HS6ST3: variants seen among roughly 807,000 people sequenced by gnomAD.
HS6ST3 encodes the protein heparan-sulfate 6-O-sulfotransferase 3.
HS6ST3 carries 12 observed loss-of-function variants against 36.7 expected under a neutral mutation model. The observed-to-expected ratio is 0.33, with a 90% confidence interval of 0.21 to 0.53. The LOEUF is 0.53. HS6ST3 is among the 20% of genes least tolerant of loss of function. HS6ST3 has a pLI of 0.95. For synonymous variants in HS6ST3, 240 were observed against 257.5 expected, an observed-to-expected ratio of 0.93 and a Z score of 0.65; for missense variants, 584 against 640.9, an observed-to-expected ratio of 0.91 and a Z score of 0.96.
At chr13:96,404,749 A>G (rs2055468704) in intron 1 of HS6ST3, among the ~76,000 whole-genome samples, 1 of 152,216 alleles carries the variant, frequency 6.6e-6, no homozygotes, top group Non-Finnish European at 1.5e-5. Flanking sequence ...AAATTAGATC[A>G]GATAATAGAA....
Position 96,194,807 on chromosome 13 carries a change from A to T in HS6ST3, c.707+103238A>T, listed in dbSNP as rs149222503. 2.6e-4 allele frequency among the ~76,000 whole-genome samples: 39 copies of T among 148,352 alleles called. 1 individual carries two copies. The East Asian group carries it at 7.8e-3, about 30-fold the overall frequency. On this transcript the variant is annotated intron_variant, in intron 1 of 1. Coordinates refer to ENST00000376705, the MANE Select transcript of HS6ST3 (RefSeq NM_153456.4). ...CCAAGCCTCTGGCAACCACTGTTCT[A>T]CTCTGTTCCTATTAGTTTGACTTCT...
chr13:96,373,769 A>G (rs1031711203), intron 1 of HS6ST3, among the ~76,000 whole-genome samples: 2 of 152,164 alleles, frequency 1.3e-5, no homozygotes, highest in African/African-American at 4.8e-5. Flanking sequence ...GATTGAAATA[A>G]GTGGCTGGGT....
At chr13:96,474,925 A>G (rs1391003113) in intron 1 of HS6ST3, among the ~76,000 whole-genome samples, 1 of 152,218 alleles carries the variant, frequency 6.6e-6, no homozygotes, top group East Asian at 1.9e-4. Flanking sequence ...CAGTGCTGAG[A>G]GGAGAACTCA....
intron 1 of HS6ST3, among the ~76,000 whole-genome samples, chr13:96,287,795 T>A (rs2054810682): frequency 6.6e-6 from 1 of 152,182 alleles, no homozygotes; most frequent in Non-Finnish European, 1.5e-5. Flanking sequence ...TTTAATTCTT[T>A]ACTTTTTTAA....
At position 96,790,920 on chromosome 13, in the gene HS6ST3, C is replaced by T. The variant is rs527709386; in HGVS notation, c.708-41570C>T. 6.6e-5 allele frequency among the ~76,000 whole-genome samples: 10 copies of T among 152,118 alleles called. No individual in the cohort carries two copies. In the South Asian group the frequency reaches 2.1e-3, roughly 32 times the overall value. ...TAAACATTTCCCTTGGATGTACCAC[C>T]TCCTATATGTGTAATAAAATTCTTT... On this transcript the variant is annotated intron_variant, in intron 1 of 1. Transcript: ENST00000376705.
At chr13:96,702,498 C>T (rs896467242) in intron 1 of HS6ST3, among the ~76,000 whole-genome samples, 1 of 152,152 alleles carries the variant, frequency 6.6e-6, no homozygotes, top group Non-Finnish European at 1.5e-5. Context: ...AACACATATT[C>T]CTGCCATGCT....
chr13:96,647,748 A>T (rs1405996378), intron 1 of HS6ST3, among the ~76,000 whole-genome samples: 1 of 151,990 alleles, frequency 6.6e-6, no homozygotes. Context: ...GAAATGCTAA[A>T]TGTTTTTTTT....
intron 1 of HS6ST3, among the ~76,000 whole-genome samples, chr13:96,688,866 A>G (rs1444205083): frequency 6.6e-6 from 1 of 152,008 alleles, no homozygotes; most frequent in Non-Finnish European, 1.5e-5. Context: ...CTCTCTGAGC[A>G]TCCTCCTCAC....
At chr13:96,687,090 CTTTTT>C (rs68182332) in intron 1 of HS6ST3, among the ~76,000 whole-genome samples, 2 of 148,872 alleles carry the variant, frequency 1.3e-5, no homozygotes. Flanking sequence ...GCAAGAAGTG[CTTTTT>C]TTTTTTTTTT....
intron 1 of HS6ST3, among the ~76,000 whole-genome samples, chr13:96,666,329 A>G (rs2138428044): frequency 6.6e-6 from 1 of 152,236 alleles, no homozygotes; most frequent in East Asian, 1.9e-4. Context: ...TCAAGGCGAG[A>G]TTTGGGTGCA....
intron 1 of HS6ST3, among the ~76,000 whole-genome samples, chr13:96,534,652 G>C (rs2018153): frequency 0.98 from 149,106 of 152,330 alleles, 73,063 homozygotes; most frequent in East Asian, 1. Context: ...AAAAGCCACA[G>C]GTGCAGGAAC....
chr13:96,117,211 C>T (rs773921210), intron 1 of HS6ST3, among the ~76,000 whole-genome samples: 1 of 152,078 alleles, frequency 6.6e-6, no homozygotes, highest in Non-Finnish European at 1.5e-5. Context: ...GTCCTTATTT[C>T]TGTAGCATGA....
intron 1 of HS6ST3, among the ~76,000 whole-genome samples, chr13:96,437,566 A>G (rs1223454132): frequency 6.6e-6 from 1 of 152,250 alleles, no homozygotes; most frequent in Non-Finnish European, 1.5e-5. Context: ...AAATTCAGAG[A>G]ATCTGATGAC....
At chr13:96,236,963 G>A (rs944367174) in intron 1 of HS6ST3, among the ~76,000 whole-genome samples, 1 of 152,218 alleles carries the variant, frequency 6.6e-6, no homozygotes, top group African/African-American at 2.4e-5. Flanking sequence ...TGGCTGGGGA[G>A]GCCTCAGGAA....
intron 1 of HS6ST3, among the ~76,000 whole-genome samples, chr13:96,755,689 G>A (rs1325283021): frequency 1.3e-5 from 2 of 152,100 alleles, no homozygotes; most frequent in Non-Finnish European, 2.9e-5. Flanking sequence ...ATGCTGCTGA[G>A]GAGTATTGCT....
chr13:96,585,762 C>G (rs1439766851), intron 1 of HS6ST3, among the ~76,000 whole-genome samples: 1 of 152,118 alleles, frequency 6.6e-6, no homozygotes, highest in Non-Finnish European at 1.5e-5. Flanking sequence ...TTCATCCATG[C>G]TATAGCAAAT....
At chr13:96,658,296 T>TTTTTTTTTTTTTTTTTTTTTTG (rs1467303957) in intron 1 of HS6ST3, among the ~76,000 whole-genome samples, 1 of 87,384 alleles carries the variant, frequency 1.1e-5, no homozygotes, top group African/African-American at 4.0e-5. Context: ...TTTTTTTTTT[T>TTTTTTTTTTTTTTTTTTTTTTG]TTGAGATGGC....
chr13:96,571,948 CT>C (rs1170871627), intron 1 of HS6ST3, among the ~76,000 whole-genome samples: 1 of 152,182 alleles, frequency 6.6e-6, no homozygotes, highest in Admixed American at 6.5e-5. Flanking sequence ...GCACCGTGTG[CT>C]TTAAGGTCAG....
chr13:96,175,460 T>C (rs2054207991), intron 1 of HS6ST3, among the ~76,000 whole-genome samples: 1 of 152,116 alleles, frequency 6.6e-6, no homozygotes, highest in Non-Finnish European at 1.5e-5. Flanking sequence ...CACTTGCTGG[T>C]TCCTTTCGGT....
Sources: gnomAD v4.1 joint callset for allele counts (sites outside exome capture counted in the v4.1 genomes callset) on GRCh38, gnomAD v4.1.1 for gene constraint, MANE v1.5 for transcripts, NCBI Gene and HGNC (gene_info 2026-07-23, HGNC 2026-07-21) for gene names.